The following OXR1 variants were observed in gnomAD, a reference collection of about 807,000 sequenced individuals.
The protein encoded by OXR1 is oxidation resistance 1, also known as oxidation resistance protein 1.
A neutral mutation model predicts 104.6 loss-of-function variants in OXR1; 41 were observed. The ratio of observed to expected loss-of-function variants is 0.39; its 90% CI spans 0.31 to 0.51. The LOEUF (loss-of-function observed/expected upper bound fraction) is 0.51, where lower values mean the gene tolerates loss of function less well. Ranked by LOEUF, OXR1 falls within the 20% of genes least tolerant of loss-of-function variation. OXR1 has a pLI of 0.77. For synonymous variants in OXR1, 348 were observed against 348.4 expected, an observed-to-expected ratio of 1.00 and a Z score of 0.01; for missense variants, 955 against 1,031.9, an observed-to-expected ratio of 0.93 and a Z score of 1.02.
chr8:106,335,982 G>T (rs1036784083), intron 1 of OXR1, among the ~76,000 whole-genome samples: 2 of 152,088 alleles, frequency 1.3e-5, no homozygotes, highest in African/African-American at 4.8e-5. Context: ...CATAAGCCCA[G>T]CTACTTGGGA....
At chr8:106,703,164 AT>A in intron 8 of OXR1, 74 bp downstream of exon 8, 1 of 919,568 alleles carries the variant, frequency 1.1e-6, no homozygotes, top group South Asian at 2.2e-5. Flanking sequence ...TACCTTAACT[AT>A]TTTTACTAGT....
intron 1 of OXR1, among the ~76,000 whole-genome samples, chr8:106,332,541 C>T (rs1283659185): frequency 6.6e-6 from 1 of 152,066 alleles, no homozygotes; most frequent in Non-Finnish European, 1.5e-5. Context: ...CCCAGTCCTA[C>T]CATGTGTGTC....
At chr8:106,387,411 T>C (rs940595603) in intron 2 of OXR1, among the ~76,000 whole-genome samples, 16 of 152,344 alleles carry the variant, frequency 1.1e-4, no homozygotes, top group African/African-American at 3.8e-4. Flanking sequence ...GACACAATTA[T>C]GTTTTCCAGG....
chr8:106,737,975 G>A (rs992279262), intron 12 of OXR1, among the ~76,000 whole-genome samples: 4 of 152,020 alleles, frequency 2.6e-5, no homozygotes, highest in Non-Finnish European at 5.9e-5. Flanking sequence ...AAATTTAATA[G>A]CAAGGCTTAA....
chr8:106,523,394 G>T (rs1813400917), intron 3 of OXR1, among the ~76,000 whole-genome samples: 1 of 151,692 alleles, frequency 6.6e-6, no homozygotes, highest in Non-Finnish European at 1.5e-5. Context: ...GACCATTTTA[G>T]AATTCTGCCT....
chr8:106,631,508 T>G (rs1328300057), intron 3 of OXR1, among the ~76,000 whole-genome samples: 1 of 152,192 alleles, frequency 6.6e-6, no homozygotes, highest in Admixed American at 6.5e-5. Flanking sequence ...AGTCTTTTGT[T>G]TAGCTGCCAT....
chr8:106,548,467 T>A (rs1039085042), intron 3 of OXR1, among the ~76,000 whole-genome samples: 2 of 151,998 alleles, frequency 1.3e-5, no homozygotes, highest in Non-Finnish European at 2.9e-5. Flanking sequence ...TTCTAATATC[T>A]CACTATAAAA....
At chr8:106,663,607 C>A (rs1420697888) in intron 3 of OXR1, among the ~76,000 whole-genome samples, 1 of 152,162 alleles carries the variant, frequency 6.6e-6, no homozygotes, top group Non-Finnish European at 1.5e-5. Context: ...CAGCCCTGGT[C>A]CATGGCCTGT....
chr8:106,530,633 A>G (rs181970753), intron 3 of OXR1, among the ~76,000 whole-genome samples: 1 of 152,310 alleles, frequency 6.6e-6, no homozygotes, highest in Admixed American at 6.5e-5. Flanking sequence ...TTTTGAAACT[A>G]CTTTTACTAT....
chr8:106,627,873 C>T (rs1822304846), intron 3 of OXR1, among the ~76,000 whole-genome samples: 1 of 152,130 alleles, frequency 6.6e-6, no homozygotes, highest in South Asian at 2.1e-4. Flanking sequence ...CACAGGGGAT[C>T]CACCAGCTAT....
chr8:106,665,968 T>C (rs1463195285), intron 3 of OXR1, among the ~76,000 whole-genome samples: 1 of 152,090 alleles, frequency 6.6e-6, no homozygotes, highest in Non-Finnish European at 1.5e-5. Flanking sequence ...AAAAAACTCA[T>C]GGAACTCTGT....
intron 1 of OXR1, among the ~76,000 whole-genome samples, chr8:106,291,704 G>T (rs1013230230): frequency 5.9e-5 from 9 of 151,900 alleles, no homozygotes; most frequent in Admixed American, 3.9e-4. Flanking sequence ...AAATACCAGA[G>T]ACTCGGTAAT....
chr8:106,718,721 TG>T (rs570367621), intron 11 of OXR1, among the ~76,000 whole-genome samples: 109 of 151,782 alleles, frequency 7.2e-4, no homozygotes, highest in African/African-American at 2.5e-3. Context: ...CGCTTCTTGT[TG>T]TAGCTACTCG....
intron 3 of OXR1, among the ~76,000 whole-genome samples, chr8:106,646,971 C>T (rs1425719406): frequency 6.6e-6 from 1 of 152,220 alleles, no homozygotes; most frequent in African/African-American, 2.4e-5. Context: ...GAAGCTGCCA[C>T]ATTCCAGGTA....
intron 2 of OXR1, among the ~76,000 whole-genome samples, chr8:106,475,691 G>C (rs772028840): frequency 6.6e-6 from 1 of 151,846 alleles, no homozygotes; most frequent in Non-Finnish European, 1.5e-5. Flanking sequence ...TTGAATAATT[G>C]GAACCCTTCT....
rs767700114 is a variant in OXR1 at position 106,726,144 on chromosome 8, T to C, written c.1957-11376T>C. The C allele has an allele frequency of 3.5e-4, 510 of 1,443,314 alleles. 1 individual carries two copies. Among genetic ancestry groups the C allele is most frequent in the Non-Finnish European group, 4.4e-4 (491 of 1,108,100 alleles). The allele number at this position is 1,443,314 out of a possible 1,614,324, so 89.4% of individuals were successfully genotyped here. On this transcript the variant is annotated intron_variant, in intron 11 of 16. Transcript: ENST00000517566. ...CTAGCAAACTGTTTTGTCACTGTAGTAAGGCTCTAGTGCTGGAAATTTATC... is the reference window on the plus strand; with the variant it reads ...CTAGCAAACTGTTTTGTCACTGTAGCAAGGCTCTAGTGCTGGAAATTTATC...
intron 1 of OXR1, among the ~76,000 whole-genome samples, chr8:106,309,020 A>G (rs866066550): frequency 6.6e-6 from 1 of 150,954 alleles, no homozygotes; most frequent in Admixed American, 6.6e-5. Context: ...GCTCTGTCAT[A>G]CAGGCTGGGC....
chr8:106,514,739 T>C (rs1018749656), intron 2 of OXR1, among the ~76,000 whole-genome samples: 2 of 152,086 alleles, frequency 1.3e-5, no homozygotes, highest in African/African-American at 4.8e-5. Context: ...AGACTTTAGA[T>C]CAATTCTAAA....
At chr8:106,412,746 C>T (rs1368570600) in intron 2 of OXR1, among the ~76,000 whole-genome samples, 1 of 152,024 alleles carries the variant, frequency 6.6e-6, no homozygotes, top group East Asian at 1.9e-4. Flanking sequence ...TTTGGGATAA[C>T]TTTTCTCTTC....
Sources: allele counts gnomAD v4.1 joint callset (sites outside exome capture counted in the v4.1 genomes callset), GRCh38; gene constraint gnomAD v4.1.1; transcripts MANE v1.5; gene names NCBI Gene and HGNC (gene_info 2026-07-23, HGNC 2026-07-21).